Variants in KCNIP4 observed in about 807,000 individuals in gnomAD.
The protein encoded by KCNIP4 is Kv channel-interacting protein 4.
KCNIP4 carries 12 observed loss-of-function variants against 34.0 expected under a neutral mutation model. That is an observed-to-expected ratio of 0.35 (90% confidence interval 0.23 to 0.57). The LOEUF (loss-of-function observed/expected upper bound fraction) is 0.57, where lower values mean the gene tolerates loss of function less well. KCNIP4 is among the 20% of genes least tolerant of loss of function. The probability of loss-of-function intolerance (pLI) is 0.83; values close to 1 mark genes in which losing one functional copy is unlikely to be tolerated. For missense variants in KCNIP4, 238 were observed against 311.7 expected, an observed-to-expected ratio of 0.76 and a Z score of 1.78; for synonymous variants, 124 against 102.2, an observed-to-expected ratio of 1.21 and a Z score of -1.29.
chr4:21,862,774 C>A (rs1015324294), intron 1 of KCNIP4, among the ~76,000 whole-genome samples: 6 of 151,960 alleles, frequency 3.9e-5, no homozygotes, highest in African/African-American at 9.7e-5. Flanking sequence ...GAGATCGAGA[C>A]CACGGTGAAA....
chr4:21,103,108 A>G (rs1278925467), intron 1 of KCNIP4, among the ~76,000 whole-genome samples: 9 of 152,002 alleles, frequency 5.9e-5, no homozygotes, highest in Middle Eastern at 3.4e-3. Flanking sequence ...GGTGATAGAT[A>G]TATTATGGGG....
intron 1 of KCNIP4, among the ~76,000 whole-genome samples, chr4:21,443,366 A>T (rs1727658899): frequency 6.6e-6 from 1 of 152,198 alleles, no homozygotes. Context: ...CCTTCACTCC[A>T]TACTGCTGTA....
chr4:21,628,293 G>A (rs1225477692), intron 1 of KCNIP4, among the ~76,000 whole-genome samples: 1 of 152,074 alleles, frequency 6.6e-6, no homozygotes, highest in Non-Finnish European at 1.5e-5. Context: ...CCTTCACTGT[G>A]ATTACCCAAT....
At chr4:21,011,564 A>G (rs1180520238) in intron 1 of KCNIP4, among the ~76,000 whole-genome samples, 1 of 152,198 alleles carries the variant, frequency 6.6e-6, no homozygotes, top group Non-Finnish European at 1.5e-5. Context: ...TTTATAGAAA[A>G]TGTTCACAGG....
At chr4:20,735,358 T>G (rs749753753) in intron 5 of KCNIP4, among the ~76,000 whole-genome samples, 2 of 152,166 alleles carry the variant, frequency 1.3e-5, no homozygotes, top group Non-Finnish European at 2.9e-5. Flanking sequence ...TATCTACCTC[T>G]TCACAATTTT....
chr4:21,464,941 G>A (rs201858863), intron 1 of KCNIP4, among the ~76,000 whole-genome samples: 1 of 151,998 alleles, frequency 6.6e-6, no homozygotes, highest in Non-Finnish European at 1.5e-5. Flanking sequence ...GGCTATTTTT[G>A]ATTCCTCTGA....
At chr4:21,137,108 CA>C (rs11360206) in intron 1 of KCNIP4, among the ~76,000 whole-genome samples, 26,856 of 152,074 alleles carry the variant, frequency 0.18, 2,493 homozygotes, top group Middle Eastern at 0.23. Flanking sequence ...AATATTTGAA[CA>C]AGAGGGATTA....
At chr4:21,827,451 A>C (rs1722740853) in intron 1 of KCNIP4, among the ~76,000 whole-genome samples, 2 of 152,046 alleles carry the variant, frequency 1.3e-5, no homozygotes, top group South Asian at 4.1e-4. Context: ...ACTTTTAAAA[A>C]TTTCTAATGT....
rs376741978 is a variant in KCNIP4 at position 21,634,223 on chromosome 4, C to CAAA, written c.61+314345_61+314347dup. Among the ~76,000 whole-genome samples, 327 of 112,232 alleles carry CAAA rather than the reference C, an allele frequency of 2.9e-3. 3 individuals carry two copies. Among genetic ancestry groups the CAAA allele is most frequent in the South Asian group, 0.012 (35 of 2,966 alleles). 73.6% of individuals were successfully genotyped at this position (112,232 alleles called of 152,430 possible). A position where few individuals can be genotyped will look rare whatever the true frequency, so the allele number is the denominator to read the frequency against. On this transcript the variant is annotated intron_variant, in intron 1 of 8. Coordinates refer to ENST00000382152, the MANE Select transcript of KCNIP4 (RefSeq NM_025221.6). The stretch of plus-strand genomic sequence containing the variant: ...TTAGGAAAGCTACGGGTTCTTTCCT[C>CAAA]AAAAAAAAAAAAAAAAAAAAAAAAC...
At chr4:21,128,737 A>G (rs570513509) in intron 1 of KCNIP4, among the ~76,000 whole-genome samples, 1 of 152,348 alleles carries the variant, frequency 6.6e-6, no homozygotes, top group Admixed American at 6.5e-5. Context: ...TCTTTGGCTT[A>G]CGTTATTATC....
Position 21,074,245 on chromosome 4 carries a change from C to A in KCNIP4, c.62-191536G>T, listed in dbSNP as rs1199965055. 2.0e-5 allele frequency among the ~76,000 whole-genome samples: 3 copies of A among 152,220 alleles called. No homozygotes were observed. In the East Asian group the frequency reaches 5.8e-4, roughly 29 times the overall value. ...TCCTCCTTGTACCTCTGGTAGAAATCGGCTGTGAATCTGTCTAGTCCTGGA... is the reference window on the plus strand; with the variant it reads ...TCCTCCTTGTACCTCTGGTAGAAATAGGCTGTGAATCTGTCTAGTCCTGGA... On this transcript the variant is annotated intron_variant, in intron 1 of 8. Transcript: ENST00000382152.
intron 1 of KCNIP4, among the ~76,000 whole-genome samples, chr4:21,858,227 G>A (rs1364404155): frequency 6.6e-6 from 1 of 152,238 alleles, no homozygotes; most frequent in Admixed American, 6.5e-5. Flanking sequence ...AGGCAAAGGC[G>A]CCACTGGCCA....
chr4:21,270,779 G>A (rs1046510638), intron 1 of KCNIP4, among the ~76,000 whole-genome samples: 3 of 152,158 alleles, frequency 2.0e-5, no homozygotes, highest in African/African-American at 4.8e-5. Flanking sequence ...TTGAGGCCAG[G>A]AGTTCAAGAC....
intron 1 of KCNIP4, among the ~76,000 whole-genome samples, chr4:21,029,772 GA>G (rs571080104): frequency 8.5e-4 from 129 of 152,286 alleles, no homozygotes; most frequent in African/African-American, 2.9e-3. Flanking sequence ...GGCCCATGTT[GA>G]CCTTTATGCT....
At chr4:20,786,323 T>C (rs183281396) in intron 3 of KCNIP4, among the ~76,000 whole-genome samples, 1 of 152,180 alleles carries the variant, frequency 6.6e-6, no homozygotes, top group Admixed American at 6.5e-5. Context: ...GGACAAGGAC[T>C]GAAAGACTTT....
At chr4:20,948,918 A>G (rs2149634968) in intron 1 of KCNIP4, among the ~76,000 whole-genome samples, 1 of 152,260 alleles carries the variant, frequency 6.6e-6, no homozygotes, top group South Asian at 2.1e-4. Flanking sequence ...ATGGGCCTTT[A>G]CAGAATACAT....
intron 1 of KCNIP4, among the ~76,000 whole-genome samples, chr4:21,422,608 G>A (rs1725573787): frequency 6.6e-6 from 1 of 151,870 alleles, no homozygotes; most frequent in African/African-American, 2.4e-5. Flanking sequence ...GAGAAAGCAA[G>A]GATGGTCACA....
At position 21,607,713 on chromosome 4, in the gene KCNIP4, A is replaced by G. The variant is rs564817225; in HGVS notation, c.61+340858T>C. 6.6e-5 allele frequency among the ~76,000 whole-genome samples: 10 copies of G among 152,132 alleles called. No individual in the cohort carries two copies. The East Asian group carries it at 2.0e-3, about 30-fold the overall frequency. Reference sequence around the variant, plus strand: ...TCCTGTTCCTTTGAAGTCTAGCATTAAGTAGGCCTAAGATGTCATGCAAGC... The same window carrying G: ...TCCTGTTCCTTTGAAGTCTAGCATTGAGTAGGCCTAAGATGTCATGCAAGC... On this transcript the variant is annotated intron_variant, in intron 1 of 8. Coordinates refer to ENST00000382152, the MANE Select transcript of KCNIP4 (RefSeq NM_025221.6).
At chr4:21,662,259 C>T (rs1328305149) in intron 1 of KCNIP4, among the ~76,000 whole-genome samples, 3 of 152,148 alleles carry the variant, frequency 2.0e-5, no homozygotes, top group Non-Finnish European at 2.9e-5. Context: ...TTTCTTAAAG[C>T]CTTTTCCAGT....
Sources: allele counts gnomAD v4.1 joint callset (sites outside exome capture counted in the v4.1 genomes callset), GRCh38; gene constraint gnomAD v4.1.1; transcripts MANE v1.5; gene names NCBI Gene and HGNC (gene_info 2026-07-23, HGNC 2026-07-21).